The following FAM20A variants were observed in gnomAD, a reference collection of about 807,000 sequenced individuals.
The protein encoded by FAM20A is pseudokinase FAM20A.
Under a neutral mutation model 52.0 loss-of-function variants are expected in FAM20A, and 42 were observed. The ratio of observed to expected loss-of-function variants is 0.81; its 90% CI spans 0.63 to 1.04. The LOEUF is 1.04. FAM20A is among the 50% of genes least tolerant of loss of function. The pLI is 0.00. For missense variants in FAM20A, 742 were observed against 712.7 expected (o/e 1.04, Z -0.47); for synonymous variants, 304 against 298.9 (o/e 1.02, Z -0.18).
chr17:68,550,067 A>T lies in FAM20A; in HGVS notation c.719+1806T>A, dbSNP rs116320419. 5.2e-3 allele frequency among the ~76,000 whole-genome samples: 798 copies of T among 152,248 alleles called. 6 individuals carry two copies. Among genetic ancestry groups the T allele is most frequent in the African/African-American group, 0.018 (733 of 41,546 alleles). On this transcript the variant is annotated intron_variant, in intron 4 of 10. Coordinates refer to ENST00000592554, the MANE Select transcript of FAM20A (RefSeq NM_017565.4). Reference sequence around the variant, plus strand: ...TTACTGCCTAGTGTAACCGGTTACAACGGGTTGATGGTGGTGATGGGGGAG... The same window carrying T: ...TTACTGCCTAGTGTAACCGGTTACATCGGGTTGATGGTGGTGATGGGGGAG...
At chr17:68,577,194 G>A (rs1455277574) in intron 1 of FAM20A, among the ~76,000 whole-genome samples, 1 of 152,228 alleles carries the variant, frequency 6.6e-6, no homozygotes, top group Non-Finnish European at 1.5e-5. Flanking sequence ...CAGAAGTCCT[G>A]CCATGACGGC....
At position 68,600,516 on chromosome 17, in the gene FAM20A, A is replaced by C; in HGVS notation, c.151T>G (p.Ser51Ala). The C allele has an allele frequency of 6.3e-7, 1 of 1,576,864 alleles. No individual in the cohort carries two copies. Among genetic ancestry groups the C allele is most frequent in the Non-Finnish European group, 8.6e-7 (1 of 1,161,756 alleles). Reference protein sequence around the residue: ...PRGCPCTGRASSLARDSAAAA... With the variant: ...PRGCPCTGRAASLARDSAAAA... ...GCGGCCGAGTCCCGCGCCAGGGAGG[A>C]GGCGCGGCCGGTGCACGGGCACCCC... Residue 51 changes from serine (S) to alanine (A), a missense_variant, in exon 1 of 11, where the codon TCC (serine) becomes GCC (alanine). Coordinates refer to ENST00000592554, the MANE Select transcript of FAM20A (RefSeq NM_017565.4). The surrounding 1 kb of genome is among the most constrained non-coding windows in gnomAD (Gnocchi z 6.2).
intron 1 of FAM20A, among the ~76,000 whole-genome samples, chr17:68,584,511 A>G (rs1280046647): frequency 6.6e-6 from 1 of 152,194 alleles, no homozygotes; most frequent in Non-Finnish European, 1.5e-5. Context: ...AGGACAGGAA[A>G]GTTCTCTCTG....
At chr17:68,538,135 C>G (rs1009228076) in intron 10 of FAM20A, among the ~76,000 whole-genome samples, 2 of 152,198 alleles carry the variant, frequency 1.3e-5, no homozygotes, top group Non-Finnish European at 2.9e-5. Context: ...TCAAAATCCC[C>G]CAGTACTGCC....
intron 4 of FAM20A, among the ~76,000 whole-genome samples, chr17:68,545,296 C>G (rs1328338886): frequency 6.6e-6 from 1 of 152,196 alleles, no homozygotes; most frequent in African/African-American, 2.4e-5. Flanking sequence ...CTAGTTGGAA[C>G]AATTTTTGTA....
At chr17:68,563,429 T>C (rs942786082) in intron 1 of FAM20A, among the ~76,000 whole-genome samples, 2 of 150,872 alleles carry the variant, frequency 1.3e-5, no homozygotes, top group African/African-American at 4.9e-5. Context: ...CCCTTCCTGA[T>C]GTGCCATGCA....
intron 4 of FAM20A, 120 bp from the exon 5 acceptor site, chr17:68,543,841 C>CA (rs1568726081): frequency 1.2e-6 from 1 of 847,554 alleles, no homozygotes; most frequent in South Asian, 1.4e-5. Flanking sequence ...CATGTACACA[C>CA]AGGCGATGGC....
At chr17:68,581,365 T>A (rs530204562) in intron 1 of FAM20A, among the ~76,000 whole-genome samples, 2 of 134,864 alleles carry the variant, frequency 1.5e-5, no homozygotes, top group African/African-American at 5.8e-5. Flanking sequence ...TTTCTTTCTT[T>A]CTTTCTTTCT....
At chr17:68,593,829 C>T (rs930317651) in intron 1 of FAM20A, among the ~76,000 whole-genome samples, 7 of 152,190 alleles carry the variant, frequency 4.6e-5, no homozygotes, top group Admixed American at 2.6e-4. Context: ...CATGAAGTTA[C>T]AGCTGGACAT....
intron 1 of FAM20A, among the ~76,000 whole-genome samples, chr17:68,558,658 A>G (rs2087123761): frequency 6.6e-6 from 1 of 152,214 alleles, no homozygotes. Flanking sequence ...CAGCCTGCAG[A>G]ACCATGAGCC....
chr17:68,558,257 C>T, intron 1 of FAM20A: 3 of 382,650 alleles, frequency 7.8e-6, no homozygotes, highest in South Asian at 5.9e-5. Flanking sequence ...GACCCCTGAG[C>T]TGCTGACGAA....
chr17:68,554,051 TATACAC>T lies in FAM20A; in HGVS notation c.640+720_640+725del, dbSNP rs2086976754. On this transcript the variant is annotated intron_variant, in intron 3 of 10. Transcript: ENST00000592554. Reference sequence around the variant, plus strand: ...ATATACACACATGCATATATACACATATACACATATACACACATATACACACATATA... The same window carrying T: ...ATATACACACATGCATATATACACATATATACACACATATACACACATATA... Among the ~76,000 whole-genome samples, 4 of 130,066 alleles carry T rather than the reference TATACAC, an allele frequency of 3.1e-5. 1 individual carries two copies. The highest frequency in any genetic ancestry group is 1.1e-4 in the African/African-American group (3 of 27,810). 85.3% of individuals were successfully genotyped at this position (130,066 alleles called of 152,430 possible).
At chr17:68,566,582 A>G (rs2087383592) in intron 1 of FAM20A, among the ~76,000 whole-genome samples, 2 of 152,370 alleles carry the variant, frequency 1.3e-5, no homozygotes, top group South Asian at 4.1e-4. Flanking sequence ...CAGCAGGGTC[A>G]AAGAGGGAAA....
Position 68,600,363 on chromosome 17 carries a change from T to C in FAM20A, c.304A>G (p.Asn102Asp), listed in dbSNP as rs1456565847. The stretch of plus-strand genomic sequence containing the variant: ...AGGAGAGGCGGCTCCTCCGGGACGT[T>C]GTACAGCGGGTGGGCGAAGAGGGCC... ...LQALFAHPLY[N>D]VPEEPPLLGA... is the part of the protein sequence containing the mutation. The change falls in exon 1 of 11, where the codon AAC becomes GAC. Residue 102 changes from asparagine to aspartate, a missense_variant. Physicochemically the swap from Asn to Asp is conservative, Grantham distance 23 (BLOSUM62 1). Transcript: ENST00000592554. This position sits in a 1 kb window ranked among gnomAD's most constrained non-coding sequence, Gnocchi z 6.2. The C allele has an allele frequency of 6.2e-7, 1 of 1,603,556 alleles. No homozygotes were observed. The highest frequency in any genetic ancestry group is 1.3e-5 in the African/African-American group (1 of 74,728).
In FAM20A at chr17:68,554,555, C is replaced by G. The variant is rs141656809; in HGVS notation, c.640+222G>C. The stretch of plus-strand genomic sequence containing the variant: ...GAGCTCCTCAGTGATGTTGATGATG[C>G]TTTTCCTGGGCCACGCATTGCCCAG... On this transcript the variant is annotated intron_variant, in intron 3 of 10. Transcript: ENST00000592554. Among the ~76,000 whole-genome samples the G allele has an allele frequency of 6.4e-4, 97 of 152,308 alleles. 2 individuals carry two copies. The highest frequency in any genetic ancestry group is 2.2e-3 in the African/African-American group (93 of 41,558).
intron 1 of FAM20A, among the ~76,000 whole-genome samples, chr17:68,561,207 C>T (rs1303246434): frequency 5.9e-5 from 9 of 152,128 alleles, no homozygotes; most frequent in Admixed American, 5.2e-4. Context: ...GCCAGTCTCA[C>T]GTTGAAATTA....
chr17:68,559,077 C>T (rs1044052038), intron 1 of FAM20A, among the ~76,000 whole-genome samples: 14 of 152,138 alleles, frequency 9.2e-5, no homozygotes, highest in Admixed American at 3.9e-4. Flanking sequence ...TTTATAGCAA[C>T]GCAAAACGGC....
intron 1 of FAM20A, among the ~76,000 whole-genome samples, chr17:68,561,707 A>G (rs569402594): frequency 6.6e-6 from 1 of 152,190 alleles, no homozygotes; most frequent in East Asian, 1.9e-4. Flanking sequence ...AAAGTTTTAA[A>G]CAGGCTTATC....
At chr17:68,578,908 A>G (rs925005866) in intron 1 of FAM20A, among the ~76,000 whole-genome samples, 1 of 147,908 alleles carries the variant, frequency 6.8e-6, no homozygotes, top group African/African-American at 2.5e-5. Context: ...CCAGCTATTC[A>G]GGAGGCTGAG....
Sources: gnomAD v4.1 joint callset for allele counts (sites outside exome capture counted in the v4.1 genomes callset) on GRCh38, gnomAD v4.1.1 for gene constraint, Gnocchi (gnomAD v3.1) non-coding constraint, MANE v1.5 for transcripts, NCBI Gene and HGNC (gene_info 2026-07-23, HGNC 2026-07-21) for gene names.